Variants in COMT observed in about 807,000 individuals in gnomAD.
COMT encodes catechol-O-methyltransferase.
In COMT, 13 loss-of-function variants were observed where a neutral mutation model predicts 18.9. The observed-to-expected ratio is 0.69, with a 90% CI of 0.45 to 1.09. The LOEUF is 1.09. Ranked by LOEUF, COMT falls within the 50% of genes least tolerant of loss-of-function variation. COMT has a pLI of 0.00. For synonymous variants in COMT, 150 were observed against 160.9 expected (o/e 0.93, Z 0.51); for missense variants, 329 against 361.8 (o/e 0.91, Z 0.73).
intron 5 of COMT, among the ~76,000 whole-genome samples, chr22:19,968,331 C>A (rs977750623): frequency 6.6e-6 from 1 of 152,196 alleles, no homozygotes; most frequent in African/African-American, 2.4e-5. Context: ...CCTGTCCTCA[C>A]GGGGCCCATG....
rs1034674434 is a variant in COMT at position 19,968,853 on chromosome 22, C to T, written c.*117C>T. 20 of 946,000 alleles carry T rather than the reference C, an allele frequency of 2.1e-5. No individual in the cohort carries two copies. Among genetic ancestry groups the T allele is most frequent in the African/African-American group, 6.4e-5 (4 of 62,330 alleles). 58.6% of individuals were successfully genotyped at this position (946,000 alleles called of 1,614,324 possible). A position where few individuals can be genotyped will look rare whatever the true frequency, so the allele number is the denominator to read the frequency against. ...TGTGTCCTAAATGCAAAGCACACCTCGGCCGAGGCCTGCGCCCTGACATGC... is the reference window on the plus strand; with the variant it reads ...TGTGTCCTAAATGCAAAGCACACCTTGGCCGAGGCCTGCGCCCTGACATGC... On this transcript the variant is annotated 3_prime_UTR_variant, in exon 6 of 6. Coordinates refer to ENST00000361682, the MANE Select transcript of COMT (RefSeq NM_000754.4).
At chr22:19,963,967 C>T (rs1942270338) in intron 4 of COMT, 2 of 1,218,932 alleles carry the variant, frequency 1.6e-6, no homozygotes, top group Non-Finnish European at 2.4e-6. Flanking sequence ...GGTAAACTGC[C>T]AAGGTGGCAC....
intron 1 of COMT, among the ~76,000 whole-genome samples, chr22:19,955,061 A>G (rs960057091): frequency 6.6e-6 from 1 of 152,166 alleles, no homozygotes; most frequent in African/African-American, 2.4e-5. Flanking sequence ...GATGGACGAC[A>G]TGGTGCAATC....
chr22:19,954,753 G>C (rs992271625), intron 1 of COMT, among the ~76,000 whole-genome samples: 1 of 152,150 alleles, frequency 6.6e-6, no homozygotes, highest in African/African-American at 2.4e-5. Flanking sequence ...GTGCCTGGTT[G>C]ATTGTGCGTT....
At chr22:19,964,672 A>G (rs1025623047) in intron 5 of COMT, 7 of 577,918 alleles carry the variant, frequency 1.2e-5, no homozygotes, top group Non-Finnish European at 1.2e-5. Context: ...CTCTCCCCCA[A>G]GCAAGCCACT....
chr22:19,964,861 T>C (rs1942306218), intron 5 of COMT: 1 of 264,546 alleles, frequency 3.8e-6, no homozygotes, highest in Non-Finnish European at 7.4e-6. Context: ...CTTCACAGAC[T>C]GATGCTTAAG....
chr22:19,942,729 A>C (rs935357884), intron 1 of COMT, among the ~76,000 whole-genome samples: 2 of 152,222 alleles, frequency 1.3e-5, no homozygotes, highest in Non-Finnish European at 2.9e-5. Flanking sequence ...GTAACTACTG[A>C]CAACATGAGA....
chr22:19,945,190 G>C lies in COMT; in HGVS notation c.-92+3293G>C, dbSNP rs529103394. ...TCACCTGCAGTGTCTATAGATTTGG[G>C]TGAATTCCTCTCTTCTCGAGGTCCC... On this transcript the variant is annotated intron_variant, in intron 1 of 5. Transcript: ENST00000361682. Among the ~76,000 whole-genome samples, 19 of 152,312 alleles carry C rather than the reference G, an allele frequency of 1.2e-4. No individual in the cohort carries two copies. The South Asian group carries it at 2.9e-3, about 23-fold the overall frequency.
rs191111453 is a variant in COMT at position 19,943,647 on chromosome 22, A to T, written c.-92+1750A>T. Among the ~76,000 whole-genome samples, 428 of 149,434 alleles carry T rather than the reference A, an allele frequency of 2.9e-3. 2 individuals are homozygous for T. The highest frequency in any genetic ancestry group is 6.7e-3 in the East Asian group (35 of 5,192). On this transcript the variant is annotated intron_variant, in intron 1 of 5. Transcript: ENST00000361682. ...ACAGAGAGCCCCTATCTTTAAAAAA[A>T]AAAAATAATAATAAAATAAAAAAAT...
rs1286744830 is a variant in COMT, at chr22:19,963,688, A to C, written c.412A>C (p.Thr138Pro). Reference protein sequence around the residue: ...RLLSPGARLITIEINPDCAAI... With the variant: ...RLLSPGARLIPIEINPDCAAI... ...GCTGTCACCAGGGGCGAGGCTCATC[A>C]CCATCGAGATCAACCCCGACTGTGC... The change falls in exon 4 of 6, where the codon ACC becomes CCC. Residue 138 changes from threonine (T) to proline (P), a missense_variant. By Grantham distance (38) the Thr-to-Pro change is conservative (BLOSUM62 -1). Coordinates refer to ENST00000361682, the MANE Select transcript of COMT (RefSeq NM_000754.4). 1 of 1,612,874 alleles carries C rather than the reference A, an allele frequency of 6.2e-7. No individual in the cohort carries two copies. Among genetic ancestry groups the C allele is most frequent in the Admixed American group, 1.7e-5 (1 of 60,012 alleles).
At chr22:19,964,391 A>T (rs2146172477) in intron 5 of COMT, 92 bp downstream of exon 5, 1 of 1,575,040 alleles carries the variant, frequency 6.3e-7, no homozygotes, top group African/African-American at 1.3e-5. Context: ...GCATTCCAGT[A>T]GAGCCCTGTG....
At chr22:19,963,200 G>T (rs181950583) in intron 3 of COMT, 9 of 485,132 alleles carry the variant, frequency 1.9e-5, no homozygotes, top group Non-Finnish European at 3.4e-5. Flanking sequence ...GTGACTCAGG[G>T]AACTAGTGCC....
chr22:19,941,867 G>A lies in COMT; in HGVS notation c.-122G>A, dbSNP rs1014470427. On this transcript the variant is annotated 5_prime_UTR_variant, in exon 1 of 6. Coordinates refer to ENST00000361682, the MANE Select transcript of COMT (RefSeq NM_000754.4). ...CGCTGCCTGCGCCGGACCGGGGCGG[G>A]TCCAGTCCCGGGCGGGCCGTCGCGG... The A allele has an allele frequency of 2.1e-6, 3 of 1,422,468 alleles. No homozygotes were observed. The highest frequency in any genetic ancestry group is 2.7e-6 in the Non-Finnish European group (3 of 1,096,022). The allele number at this position is 1,422,468 out of a possible 1,614,324, so 88.1% of individuals were successfully genotyped here.
chr22:19,951,352 C>G (rs1941933039), intron 1 of COMT, among the ~76,000 whole-genome samples: 1 of 64,190 alleles, frequency 1.6e-5, no homozygotes, highest in African/African-American at 4.9e-5. Flanking sequence ...GAGCAAGACT[C>G]TGTCCCAAAA....
intron 1 of COMT, among the ~76,000 whole-genome samples, chr22:19,959,536 A>G (rs968475141): frequency 2.0e-5 from 3 of 151,060 alleles, no homozygotes; most frequent in African/African-American, 7.3e-5. Flanking sequence ...GGGAGGCCCT[A>G]CGGGGCTGGG....
At chr22:19,944,641 G>A (rs529089350) in intron 1 of COMT, among the ~76,000 whole-genome samples, 8 of 152,176 alleles carry the variant, frequency 5.3e-5, no homozygotes, top group East Asian at 3.9e-4. Flanking sequence ...TGGCTAACAC[G>A]GTGAAACCCC....
intron 1 of COMT, among the ~76,000 whole-genome samples, chr22:19,957,826 G>C (rs1258685118): frequency 6.6e-6 from 1 of 152,210 alleles, no homozygotes; most frequent in Non-Finnish European, 1.5e-5. Context: ...CCAGGCAGCC[G>C]GTGCAGAAGG....
In COMT at chr22:19,958,789, G is replaced by A. The variant is rs373356202; in HGVS notation, c.-91-2410G>A. 2.6e-5 allele frequency among the ~76,000 whole-genome samples: 4 copies of A among 151,772 alleles called. No homozygotes were observed. The East Asian group carries it at 5.8e-4, about 22-fold the overall frequency. ...ATCTGTCGTCCCAGCTACTTGGGGG[G>A]GCTGAGGCAGGAGGATCCCTTGAGC... On this transcript the variant is annotated intron_variant, in intron 1 of 5. Coordinates refer to ENST00000361682, the MANE Select transcript of COMT (RefSeq NM_000754.4).
intron 1 of COMT, 178 bp downstream of exon 1, chr22:19,942,075 G>C (rs1941743649): frequency 7.9e-6 from 3 of 379,392 alleles, no homozygotes; most frequent in Admixed American, 4.9e-5. Context: ...TGGGGAATTC[G>C]GACCTTGGGT....
Sources: allele counts gnomAD v4.1 joint callset (sites outside exome capture counted in the v4.1 genomes callset), GRCh38; gene constraint gnomAD v4.1.1; transcripts MANE v1.5; gene names NCBI Gene and HGNC (gene_info 2026-07-23, HGNC 2026-07-21).